EYS: variants seen among roughly 807,000 people sequenced by gnomAD.
EYS encodes protein eyes shut homolog.
Under a neutral mutation model 282.1 loss-of-function variants are expected in EYS, and 250 were observed. That is an observed-to-expected ratio of 0.89 (90% CI 0.80 to 0.98). The LOEUF is 0.98. Among genes scored for constraint, EYS ranks in the 50% least tolerant of loss-of-function variants. EYS has a pLI of 0.00. For missense variants in EYS, 4,016 were observed against 3,709.0 expected (o/e 1.08, Z -2.15); for synonymous variants, 1,355 against 1,282.9 (o/e 1.06, Z -1.20).
At chr6:64,057,403 A>G (rs1279092389) in intron 33 of EYS, among the ~76,000 whole-genome samples, 1 of 149,350 alleles carries the variant, frequency 6.7e-6, no homozygotes, top group Non-Finnish European at 1.5e-5. Flanking sequence ...TTAAAAATAG[A>G]ATGGTCTCAA....
chr6:65,049,809 A>C (rs1312416702), intron 13 of EYS, among the ~76,000 whole-genome samples: 2 of 151,736 alleles, frequency 1.3e-5, no homozygotes, highest in Non-Finnish European at 3.0e-5. Context: ...CGGTATAGTT[A>C]AACATTTCTC....
intron 30 of EYS, among the ~76,000 whole-genome samples, chr6:64,298,390 G>C (rs554946034): frequency 6.6e-6 from 1 of 152,194 alleles, no homozygotes; most frequent in South Asian, 2.1e-4. Context: ...TATGTATAAA[G>C]ATGTAATTTT....
chr6:63,754,665 T>A (rs1241524492), intron 41 of EYS, among the ~76,000 whole-genome samples: 4 of 152,314 alleles, frequency 2.6e-5, no homozygotes, highest in Middle Eastern at 3.4e-3. Context: ...TGTGCATGTG[T>A]CTTTATAGTA....
At chr6:65,661,368 A>G (rs1234274542) in intron 1 of EYS, among the ~76,000 whole-genome samples, 1 of 152,000 alleles carries the variant, frequency 6.6e-6, no homozygotes, top group Non-Finnish European at 1.5e-5. Context: ...GACCATTATT[A>G]TACATATCTT....
chr6:65,084,253 A>T (rs1333134847), intron 12 of EYS, among the ~76,000 whole-genome samples: 1 of 152,144 alleles, frequency 6.6e-6, no homozygotes, highest in Admixed American at 6.6e-5. Flanking sequence ...ATTGTTAATG[A>T]CAATTGCCAT....
intron 29 of EYS, among the ~76,000 whole-genome samples, chr6:64,370,532 C>T (rs182557579): frequency 6.6e-6 from 1 of 152,194 alleles, no homozygotes; most frequent in East Asian, 1.9e-4. Context: ...ATTTTGGCCT[C>T]ACAGAATGAG....
intron 12 of EYS, among the ~76,000 whole-genome samples, chr6:65,120,510 T>C (rs1438710593): frequency 7.0e-6 from 1 of 142,284 alleles, no homozygotes; most frequent in Admixed American, 7.2e-5. Flanking sequence ...AGATATATAT[T>C]GTCTTTCCAT....
At chr6:64,933,136 G>T (rs75174240) in intron 15 of EYS, among the ~76,000 whole-genome samples, 3,861 of 151,958 alleles carry the variant, frequency 0.025, 156 homozygotes, top group African/African-American at 0.088. Flanking sequence ...TGTTCAAAGG[G>T]AAATATAAAC....
intron 12 of EYS, among the ~76,000 whole-genome samples, chr6:65,213,263 T>G (rs1454696596): frequency 6.6e-6 from 1 of 152,208 alleles, no homozygotes; most frequent in East Asian, 1.9e-4. Context: ...CTGCGGCAAC[T>G]CTGCTGGAGG....
chr6:65,673,749 T>G (rs576443854), intron 1 of EYS, among the ~76,000 whole-genome samples: 2 of 152,070 alleles, frequency 1.3e-5, no homozygotes, highest in East Asian at 3.9e-4. Context: ...CTGGACTGTA[T>G]AGAGGTGGGA....
intron 26 of EYS, among the ~76,000 whole-genome samples, chr6:64,482,936 G>A (rs754455766): frequency 4.6e-5 from 7 of 151,698 alleles, no homozygotes; most frequent in East Asian, 1.9e-4. Flanking sequence ...CAGTGGCAGC[G>A]TCCACTGACC....
intron 31 of EYS, among the ~76,000 whole-genome samples, chr6:64,121,608 A>G (rs1417462913): frequency 6.6e-6 from 1 of 152,184 alleles, no homozygotes; most frequent in Non-Finnish European, 1.5e-5. Flanking sequence ...TATACAGAAG[A>G]CTTAAATTTA....
chr6:63,813,449 A>T (rs1297124153), intron 36 of EYS, among the ~76,000 whole-genome samples: 1 of 152,178 alleles, frequency 6.6e-6, no homozygotes, highest in Non-Finnish European at 1.5e-5. Flanking sequence ...TTGACAGAAT[A>T]TTTTGCCTTT....
intron 35 of EYS, among the ~76,000 whole-genome samples, chr6:63,937,575 G>T (rs1765110098): frequency 6.6e-6 from 1 of 151,094 alleles, no homozygotes. Flanking sequence ...TAGAGACGGG[G>T]TTTCACTGTG....
intron 36 of EYS, among the ~76,000 whole-genome samples, chr6:63,836,765 C>CT (rs1369370672): frequency 4.6e-5 from 7 of 152,134 alleles, no homozygotes. Context: ...ATCTCTGTTG[C>CT]TTGGGGAATG....
intron 22 of EYS, among the ~76,000 whole-genome samples, chr6:64,647,574 A>ATTT (rs1768400304): frequency 6.6e-6 from 1 of 152,176 alleles, no homozygotes; most frequent in African/African-American, 2.4e-5. Context: ...GCACTATACC[A>ATTT]ATGATTATCA....
intron 1 of EYS, among the ~76,000 whole-genome samples, chr6:65,676,894 T>G (rs1768623168): frequency 6.6e-6 from 1 of 151,590 alleles, no homozygotes; most frequent in Non-Finnish European, 1.5e-5. Context: ...AAGGGACTGT[T>G]CAACATAGGA....
intron 31 of EYS, among the ~76,000 whole-genome samples, chr6:64,093,204 T>C (rs1489668095): frequency 1.3e-5 from 2 of 152,034 alleles, no homozygotes; most frequent in African/African-American, 4.8e-5. Context: ...TCCAGCTTTG[T>C]TCTTTTGGCT....
intron 22 of EYS, among the ~76,000 whole-genome samples, chr6:64,766,170 C>T (rs558516652): frequency 8.9e-4 from 135 of 151,420 alleles, no homozygotes; most frequent in African/African-American, 2.9e-3. Context: ...TCAGGGGATC[C>T]GCCTGGCTCA....
Sources: allele counts gnomAD v4.1 joint callset (sites outside exome capture counted in the v4.1 genomes callset), GRCh38; gene constraint gnomAD v4.1.1; transcripts MANE v1.5; gene names NCBI Gene and HGNC (gene_info 2026-07-23, HGNC 2026-07-21).